The following CCL26 variants were observed in gnomAD, a reference collection of about 807,000 sequenced individuals.
The protein encoded by CCL26 is C-C motif chemokine 26.
Under a neutral mutation model 10.7 loss-of-function variants are expected in CCL26, and 10 were observed. The ratio of observed to expected loss-of-function variants is 0.93; its 90% CI spans 0.57 to 1.58. The LOEUF is 1.58. Among genes scored for constraint, CCL26 ranks in the 40% most tolerant of loss-of-function variants. The pLI is 0.00. For synonymous variants in CCL26, 43 were observed against 41.4 expected (o/e 1.04, Z -0.15); for missense variants, 116 against 111.0 (o/e 1.05, Z -0.20).
chr7:75,778,426 G>A (rs1554529004), intron 1 of CCL26, among the ~76,000 whole-genome samples: 1 of 125,000 alleles, frequency 8.0e-6, no homozygotes, highest in South Asian at 2.9e-4. Context: ...TTTTTTTTTG[G>A]TAGAGATGAG....
intron 1 of CCL26, among the ~76,000 whole-genome samples, chr7:75,784,559 C>T (rs2115686656): frequency 6.6e-6 from 1 of 152,338 alleles, no homozygotes; most frequent in South Asian, 2.1e-4. Context: ...GCCTCCATAA[C>T]TGTTGTGGAT....
At chr7:75,778,848 T>TGGCG (rs1554529063) in intron 1 of CCL26, among the ~76,000 whole-genome samples, 1 of 149,142 alleles carries the variant, frequency 6.7e-6, no homozygotes, top group African/African-American at 2.5e-5. Context: ...GAGGCCAAGG[T>TGGCG]GGGGGGGGCA....
chr7:75,776,662 C>G (rs111431981), upstream of CCL26, among the ~76,000 whole-genome samples: 1 of 151,870 alleles, frequency 6.6e-6, no homozygotes, highest in Non-Finnish European at 1.5e-5. Flanking sequence ...GAACACTTTA[C>G]GAGAAGGAAA....
upstream of CCL26, among the ~76,000 whole-genome samples, chr7:75,774,607 G>A (rs1279865311): frequency 1.3e-5 from 2 of 151,710 alleles, no homozygotes; most frequent in African/African-American, 2.4e-5. Context: ...CACCATGCCC[G>A]GGTAATTTTT....
At chr7:75,785,476 T>C (rs1329094404) in intron 1 of CCL26, among the ~76,000 whole-genome samples, 1 of 152,134 alleles carries the variant, frequency 6.6e-6, no homozygotes, top group Non-Finnish European at 1.5e-5. Context: ...ATATCAGGTA[T>C]CCCCCACAAA....
intron 1 of CCL26, among the ~76,000 whole-genome samples, chr7:75,784,460 C>T (rs946579422): frequency 1.5e-4 from 23 of 152,320 alleles, no homozygotes; most frequent in African/African-American, 5.5e-4. Flanking sequence ...TTGGGTAACT[C>T]TTACAGTGGA....
upstream of CCL26, chr7:75,772,323 G>A (rs544431295): frequency 3.0e-5 from 19 of 630,318 alleles, no homozygotes; most frequent in South Asian, 3.3e-4. Flanking sequence ...CAAAGGAAAA[G>A]TAAACTAATA....
chr7:75,774,638 G>A (rs1172300909), upstream of CCL26, among the ~76,000 whole-genome samples: 1 of 151,796 alleles, frequency 6.6e-6, no homozygotes. Flanking sequence ...TAGAGACAGG[G>A]TTTCACTATG....
chr7:75,787,586 A>G (rs975122592), intron 1 of CCL26, among the ~76,000 whole-genome samples: 2 of 138,030 alleles, frequency 1.4e-5, no homozygotes, highest in African/African-American at 5.3e-5. Context: ...TGGAGCTTGC[A>G]GTGAGCCGGG....
chr7:75,772,242 G>C, upstream of CCL26: 1 of 1,158,728 alleles, frequency 8.6e-7, no homozygotes, highest in Non-Finnish European at 1.3e-6. Flanking sequence ...CCTTTTATGA[G>C]ACTGAGACGG....
rs1053454133 is a variant in CCL26 at position 75,769,591 on chromosome 7, C to G, written c.*102G>C. ...CTGGGAGGAAACACCCTCTCCTCCC[C>G]AGCGGGTCCATGTAGCCTTCAGAAA... On this transcript the variant is annotated 3_prime_UTR_variant, in exon 3 of 3. Coordinates refer to ENST00000005180, the MANE Select transcript of CCL26 (RefSeq NM_001371938.1). 4 of 672,748 alleles carry G rather than the reference C, an allele frequency of 5.9e-6. No homozygotes were observed. Among genetic ancestry groups the G allele is most frequent in the Non-Finnish European group, 5.4e-6 (2 of 372,160 alleles). The allele number at this position is 672,748 out of a possible 1,614,324, so 41.7% of individuals were successfully genotyped here.
upstream of CCL26, among the ~76,000 whole-genome samples, chr7:75,772,665 AAAACAAAC>A (rs1361136891): frequency 6.0e-5 from 9 of 149,910 alleles, no homozygotes; most frequent in East Asian, 1.2e-3. Flanking sequence ...AAAAAAAAAA[AAAACAAAC>A]AAACAAACAA....
chr7:75,775,627 G>C (rs1279962318), upstream of CCL26, among the ~76,000 whole-genome samples: 1 of 152,072 alleles, frequency 6.6e-6, no homozygotes, highest in Non-Finnish European at 1.5e-5. Context: ...CACTGGTTGA[G>C]GGCTGCACCC....
intron 1 of CCL26, among the ~76,000 whole-genome samples, chr7:75,787,651 C>CAAAAAAAAAAAAAAA (rs55770109): frequency 1.8e-4 from 5 of 27,748 alleles, no homozygotes; most frequent in South Asian, 3.0e-3. Flanking sequence ...TCTCCAAAAG[C>CAAAAAAAAAAAAAAA]AAAAAAAAAA....
At chr7:75,776,924 A>G (rs1554528819), upstream of CCL26, among the ~76,000 whole-genome samples, 1 of 152,118 alleles carries the variant, frequency 6.6e-6, no homozygotes, top group Admixed American at 6.6e-5. Flanking sequence ...ACTCCTAGGC[A>G]TGTACCCGTC....
chr7:75,782,024 G>A (rs890795642), intron 1 of CCL26, among the ~76,000 whole-genome samples: 17 of 152,202 alleles, frequency 1.1e-4, no homozygotes, highest in African/African-American at 4.1e-4. Context: ...ATCCACCTAT[G>A]ACTTCTGGTC....
intron 2 of CCL26, among the ~76,000 whole-genome samples, chr7:75,770,404 G>A (rs1415725135): frequency 2.7e-5 from 4 of 147,724 alleles, no homozygotes; most frequent in African/African-American, 5.0e-5. Context: ...TTTTTGAGAC[G>A]GAGTTTCACT....
chr7:75,788,745 A>G (rs1554530336), intron 1 of CCL26, among the ~76,000 whole-genome samples: 2 of 151,748 alleles, frequency 1.3e-5, no homozygotes, highest in African/African-American at 4.8e-5. Flanking sequence ...AAAGAAGAAA[A>G]AAAAAGATGG....
At chr7:75,771,454 C>T (rs1273782284) in intron 2 of CCL26, among the ~76,000 whole-genome samples, 1 of 152,150 alleles carries the variant, frequency 6.6e-6, no homozygotes, top group Admixed American at 6.6e-5. Context: ...GGTCCAGTGA[C>T]TCACACTTGT....
Sources: gnomAD v4.1 joint callset for allele counts (sites outside exome capture counted in the v4.1 genomes callset) on GRCh38, gnomAD v4.1.1 for gene constraint, MANE v1.5 for transcripts, NCBI Gene and HGNC (gene_info 2026-07-23, HGNC 2026-07-21) for gene names.